The following PRH1 variants were observed in gnomAD, a reference collection of about 807,000 sequenced individuals.
PRH1 encodes the protein salivary acidic proline-rich phosphoprotein 1/2.
PRH1 carries 7 observed loss-of-function variants against 7.9 expected under a neutral mutation model. The ratio of observed to expected loss-of-function variants is 0.89; its 90% confidence interval spans 0.50 to 1.67. The LOEUF (loss-of-function observed/expected upper bound fraction) is 1.67, where lower values mean the gene tolerates loss of function less well. Ranked by LOEUF, PRH1 falls within the 40% of genes most tolerant of loss-of-function variation. The pLI is 0.00. For synonymous variants in PRH1, 45 were observed against 80.8 expected (o/e 0.56, Z 2.38); for missense variants, 109 against 223.6 (o/e 0.49, Z 3.27).
rs781312464 is a variant in PRH1, at chr12:10,997,813, AT to A, written c.-125-24093del. ...TCAGTGCTATAAAGCCATTGGCAAA[AT>A]TTCCAAGAATAAATGCAACCACTAC... On this transcript the variant is annotated intron_variant, in intron 1 of 3. Coordinates refer to the PRH1 transcript ENST00000539853. 2.5e-6 allele frequency: 4 copies of A among 1,612,818 alleles called. No individual in the cohort carries two copies. In the South Asian group the frequency reaches 4.4e-5, roughly 18 times the overall value.
intron 2 of PRH1, among the ~76,000 whole-genome samples, chr12:10,966,289 T>A (rs1938494903): frequency 6.6e-6 from 1 of 152,238 alleles, no homozygotes; most frequent in Non-Finnish European, 1.5e-5. Flanking sequence ...ATTTGACATA[T>A]AATCTTGCAG....
intron 1 of PRH1, among the ~76,000 whole-genome samples, chr12:11,112,322 A>G (rs370823868): frequency 6.6e-6 from 1 of 152,336 alleles, no homozygotes; most frequent in East Asian, 1.9e-4. Flanking sequence ...CATCATCCTG[A>G]TTCCAAAACC....
intron 1 of PRH1, chr12:10,997,203 T>C: frequency 1.2e-6 from 2 of 1,614,144 alleles, no homozygotes; most frequent in East Asian, 2.2e-5. Flanking sequence ...AGAGCTTTTA[T>C]GTGGATCTTG....
At chr12:10,918,619 T>C (rs2135843050) in intron 2 of PRH1, among the ~76,000 whole-genome samples, 1 of 152,304 alleles carries the variant, frequency 6.6e-6, no homozygotes, top group African/African-American at 2.4e-5. Context: ...ACAAAATGCA[T>C]GCACCAATGT....
intron 1 of PRH1, among the ~76,000 whole-genome samples, chr12:10,982,372 TA>T (rs1939397842): frequency 6.6e-6 from 1 of 152,236 alleles, no homozygotes; most frequent in African/African-American, 2.4e-5. Flanking sequence ...AGATGGATTA[TA>T]GGATGAATGC....
At chr12:10,936,946 C>T (rs1001238713) in intron 2 of PRH1, among the ~76,000 whole-genome samples, 3 of 152,028 alleles carry the variant, frequency 2.0e-5, no homozygotes, top group African/African-American at 7.2e-5. Flanking sequence ...GTAAACAGCC[C>T]TCATCTTTTT....
At chr12:10,898,998 A>G (rs964238788) in intron 2 of PRH1, among the ~76,000 whole-genome samples, 2 of 152,248 alleles carry the variant, frequency 1.3e-5, no homozygotes, top group African/African-American at 4.8e-5. Flanking sequence ...AGATTATTTT[A>G]GAACGTTAAT....
chr12:11,113,334 C>G (rs1945642957), intron 1 of PRH1, among the ~76,000 whole-genome samples: 1 of 152,078 alleles, frequency 6.6e-6, no homozygotes, highest in Non-Finnish European at 1.5e-5. Context: ...CTACAGTAAC[C>G]AAAACAGCAT....
Position 10,949,021 on chromosome 12 carries a change from T to C in PRH1, c.-59+24634A>G, listed in dbSNP as rs116748051. On this transcript the variant is annotated intron_variant, in intron 2 of 3. Coordinates refer to the PRH1 transcript ENST00000539853. ...GTTGCAGCCATGTTCCCTCTCAGTG[T>C]TCTGAAGATGTAGGTTCCTTGTGCC... Among the ~76,000 whole-genome samples the C allele has an allele frequency of 2.3e-3, 351 of 152,330 alleles. 2 individuals carry two copies. Among genetic ancestry groups the C allele is most frequent in the African/African-American group, 7.8e-3 (324 of 41,586 alleles).
chr12:11,056,413 G>A (rs1943364068), intron 1 of PRH1, among the ~76,000 whole-genome samples: 1 of 152,130 alleles, frequency 6.6e-6, no homozygotes, highest in African/African-American at 2.4e-5. Context: ...CAGTATGATG[G>A]TTTCTAAGAG....
chr12:11,171,505 C>T, upstream of PRH1: 1 of 1,232,330 alleles, frequency 8.1e-7, no homozygotes, highest in South Asian at 4.1e-5. Context: ...ATGAACTTCC[C>T]GTACTTCTAC....
intron 1 of PRH1, among the ~76,000 whole-genome samples, chr12:10,988,685 A>T (rs2135988169): frequency 6.6e-6 from 1 of 152,272 alleles, no homozygotes; most frequent in Middle Eastern, 3.4e-3. Flanking sequence ...ACCATCAAGC[A>T]GGGCAAAACA....
chr12:10,896,208 A>G (rs1032425918), intron 2 of PRH1, among the ~76,000 whole-genome samples: 1 of 152,204 alleles, frequency 6.6e-6, no homozygotes, highest in East Asian at 1.9e-4. Flanking sequence ...AAATTGAAGT[A>G]GATTCTCCTT....
At position 11,090,258 on chromosome 12, in the gene PRH1, A is replaced by G. The variant is rs554868213; in HGVS notation, n.124-43070T>C. ...CACAGATACTATTTTAACATTTACA[A>G]AAAGTTTGACTGAAATATTTTCCAC... On this transcript the variant is annotated intron_variant and non_coding_transcript_variant, in intron 1 of 4. Transcript: ENST00000541977. Among the ~76,000 whole-genome samples, 63 of 116,214 alleles carry G rather than the reference A, an allele frequency of 5.4e-4. 15 individuals are homozygous for G. Among genetic ancestry groups the G allele is most frequent in the African/African-American group, 1.7e-3 (58 of 34,752 alleles). The allele number at this position is 116,214 out of a possible 152,430, so 76.2% of individuals were successfully genotyped here.
At chr12:11,080,133 C>A (rs78143427) in intron 1 of PRH1, among the ~76,000 whole-genome samples, 2 of 126,542 alleles carry the variant, frequency 1.6e-5, no homozygotes, top group African/African-American at 5.7e-5. Flanking sequence ...AATTTATGAT[C>A]ATCTTTTTTT....
At chr12:10,986,034 G>A (rs1449026947) in intron 1 of PRH1, 1 of 1,613,986 alleles carries the variant, frequency 6.2e-7, no homozygotes, top group South Asian at 1.1e-5. Flanking sequence ...TAGGATGAAT[G>A]AGTCGAATGC....
At chr12:10,917,209 G>A (rs986648067) in intron 2 of PRH1, among the ~76,000 whole-genome samples, 28 of 152,250 alleles carry the variant, frequency 1.8e-4, no homozygotes, top group African/African-American at 6.5e-4. Flanking sequence ...TTAAGTCAGT[G>A]ATGAATTCCA....
intron 2 of PRH1, among the ~76,000 whole-genome samples, chr12:10,962,822 T>G (rs1296691210): frequency 6.6e-6 from 1 of 152,206 alleles, no homozygotes; most frequent in Admixed American, 6.5e-5. Flanking sequence ...CAGGCTGGAG[T>G]GCAGTGGCGC....
chr12:10,970,126 G>T (rs1376427507), intron 2 of PRH1, among the ~76,000 whole-genome samples: 1 of 152,098 alleles, frequency 6.6e-6, no homozygotes, highest in East Asian at 1.9e-4. Context: ...ATTATAGCAA[G>T]CAATGCAGCA....
Sources: gnomAD v4.1 joint callset for allele counts (sites outside exome capture counted in the v4.1 genomes callset) on GRCh38, gnomAD v4.1.1 for gene constraint, MANE v1.5 for transcripts, NCBI Gene and HGNC (gene_info 2026-07-23, HGNC 2026-07-21) for gene names.